NPSR1: variants seen among roughly 807,000 people sequenced by gnomAD.
NPSR1 encodes neuropeptide S receptor.
A neutral mutation model predicts 46.9 loss-of-function variants in NPSR1; 48 were observed. The observed-to-expected ratio is 1.02, with a 90% CI of 0.81 to 1.30. The LOEUF is 1.30. Ranked by LOEUF, NPSR1 falls within the 50% of genes most tolerant of loss-of-function variation. The pLI is 0.00. For synonymous variants in NPSR1, 176 were observed against 168.1 expected (o/e 1.05, Z -0.36); for missense variants, 450 against 449.5 (o/e 1.00, Z -0.01).
chr7:34,701,658 A>T (rs1358740152), intron 2 of NPSR1, among the ~76,000 whole-genome samples: 3 of 152,200 alleles, frequency 2.0e-5, no homozygotes, highest in African/African-American at 7.2e-5. Context: ...CCTCCCCTAT[A>T]TGCTTAAATC....
intron 1 of NPSR1, among the ~76,000 whole-genome samples, chr7:34,664,417 T>C (rs1331078735): frequency 1.3e-5 from 2 of 152,140 alleles, no homozygotes; most frequent in Non-Finnish European, 1.5e-5. Flanking sequence ...TTATTCATAA[T>C]TAGAGTCCCA....
chr7:34,771,110 G>A (rs1313766872), intron 2 of NPSR1, among the ~76,000 whole-genome samples: 2 of 152,272 alleles, frequency 1.3e-5, no homozygotes, highest in East Asian at 3.9e-4. Context: ...ATTCTAAGCT[G>A]TGGGACTCAG....
At chr7:34,837,158 T>A (rs1790405534) in intron 6 of NPSR1, among the ~76,000 whole-genome samples, 1 of 152,236 alleles carries the variant, frequency 6.6e-6, no homozygotes, top group Non-Finnish European at 1.5e-5. Context: ...TGTTTTCCAC[T>A]TAGCCATGTG....
intron 3 of NPSR1, among the ~76,000 whole-genome samples, chr7:34,810,470 G>A (rs1180252533): frequency 6.6e-6 from 1 of 152,186 alleles, no homozygotes; most frequent in Non-Finnish European, 1.5e-5. Flanking sequence ...TAATAAAAGA[G>A]ACAGTGGGAA....
intron 2 of NPSR1, among the ~76,000 whole-genome samples, chr7:34,742,359 C>T (rs1275483849): frequency 6.6e-6 from 1 of 152,140 alleles, no homozygotes; most frequent in African/African-American, 2.4e-5. Context: ...CTTGTGTCTC[C>T]TTCTTTGTGT....
intron 2 of NPSR1, among the ~76,000 whole-genome samples, chr7:34,703,567 C>A (rs1562664134): frequency 1.3e-5 from 2 of 151,930 alleles, no homozygotes; most frequent in African/African-American, 4.8e-5. Flanking sequence ...TTTTGCTCTT[C>A]TATGTTTTAC....
At chr7:34,790,367 T>C (rs1273129175) in intron 3 of NPSR1, among the ~76,000 whole-genome samples, 2 of 151,930 alleles carry the variant, frequency 1.3e-5, no homozygotes, top group Non-Finnish European at 2.9e-5. Context: ...AGAAGAGAAG[T>C]GCTTCAACAA....
chr7:34,712,088 A>G (rs1783319319), intron 2 of NPSR1, among the ~76,000 whole-genome samples: 1 of 152,174 alleles, frequency 6.6e-6, no homozygotes. Context: ...AGTATTCACA[A>G]TCTGCTTTGT....
At chr7:34,716,435 GAC>G (rs1294262015) in intron 2 of NPSR1, among the ~76,000 whole-genome samples, 1 of 152,190 alleles carries the variant, frequency 6.6e-6, no homozygotes, top group Non-Finnish European at 1.5e-5. Flanking sequence ...GCAGGATGAA[GAC>G]ACAGAGTTTC....
At chr7:34,826,410 T>C (rs1789842731) in intron 4 of NPSR1, among the ~76,000 whole-genome samples, 1 of 152,134 alleles carries the variant, frequency 6.6e-6, no homozygotes, top group African/African-American at 2.4e-5. Context: ...GTCAACACAC[T>C]GTCGAACAAC....
In NPSR1 at chr7:34,799,654, T is replaced by C. The variant is rs182090935; in HGVS notation, c.385-12116T>C. Among the ~76,000 whole-genome samples the C allele has an allele frequency of 1.3e-3, 188 of 147,612 alleles. 1 individual carries two copies. The highest frequency in any genetic ancestry group is 1.8e-3 in the Non-Finnish European group (123 of 67,128). On this transcript the variant is annotated intron_variant, in intron 3 of 8. Coordinates refer to ENST00000360581, the MANE Select transcript of NPSR1 (RefSeq NM_207172.2). ...CCATCGAGAGTAGGAAGAAACTGCATCAACTAACGAGCAAAATAACCAGCT... is the reference window on the plus strand; with the variant it reads ...CCATCGAGAGTAGGAAGAAACTGCACCAACTAACGAGCAAAATAACCAGCT...
intron 6 of NPSR1, among the ~76,000 whole-genome samples, chr7:34,839,050 A>G (rs1017920850): frequency 2.0e-5 from 3 of 152,240 alleles, no homozygotes; most frequent in African/African-American, 7.2e-5. Flanking sequence ...TTAGAGCCCT[A>G]TTCACTTTCT....
intron 2 of NPSR1, among the ~76,000 whole-genome samples, chr7:34,693,405 A>G (rs1400288460): frequency 1.3e-5 from 2 of 152,200 alleles, no homozygotes; most frequent in Admixed American, 6.5e-5. Context: ...GGAAATGGAT[A>G]AATCCCAGAA....
chr7:34,731,641 A>G (rs549703713), intron 2 of NPSR1, among the ~76,000 whole-genome samples: 2 of 152,308 alleles, frequency 1.3e-5, no homozygotes, highest in South Asian at 4.1e-4. Flanking sequence ...CTTGGAAAAC[A>G]ATGCCCCAGT....
chr7:34,799,508 C>A (rs1788366861), intron 3 of NPSR1, among the ~76,000 whole-genome samples: 1 of 150,406 alleles, frequency 6.6e-6, no homozygotes, highest in South Asian at 2.1e-4. Flanking sequence ...TACAGACAAG[C>A]AAATGCTGAG....
intron 2 of NPSR1, among the ~76,000 whole-genome samples, chr7:34,769,857 C>T (rs970559151): frequency 2.0e-5 from 3 of 152,158 alleles, no homozygotes; most frequent in African/African-American, 7.2e-5. Flanking sequence ...TTTTTAAAAG[C>T]AAGAGTAATA....
At chr7:34,836,875 T>C (rs1790396266) in intron 6 of NPSR1, among the ~76,000 whole-genome samples, 1 of 152,184 alleles carries the variant, frequency 6.6e-6, no homozygotes, top group South Asian at 2.1e-4. Flanking sequence ...AGCCATACAA[T>C]TAAATGCTAC....
chr7:34,848,331 G>T, intron 7 of NPSR1, 152 bp from the exon 8 acceptor site: 2 of 686,482 alleles, frequency 2.9e-6, no homozygotes, highest in Admixed American at 2.3e-5. Context: ...AAGTGAATAT[G>T]ACATCAATGC....
At chr7:34,687,854 G>A (rs1362602228) in intron 2 of NPSR1, among the ~76,000 whole-genome samples, 1 of 152,102 alleles carries the variant, frequency 6.6e-6, no homozygotes, top group Non-Finnish European at 1.5e-5. Context: ...AAGACTTGAG[G>A]GGCCAAGATT....
Sources: gnomAD v4.1 joint callset for allele counts (sites outside exome capture counted in the v4.1 genomes callset) on GRCh38, gnomAD v4.1.1 for gene constraint, MANE v1.5 for transcripts, NCBI Gene and HGNC (gene_info 2026-07-23, HGNC 2026-07-21) for gene names.